The following HECW1 variants were observed in gnomAD, a reference collection of about 807,000 sequenced individuals.
The protein encoded by HECW1 is E3 ubiquitin-protein ligase HECW1.
Under a neutral mutation model 182.3 loss-of-function variants are expected in HECW1, and 61 were observed. The observed-to-expected ratio is 0.33, with a 90% CI of 0.27 to 0.41. HECW1 has a LOEUF of 0.41. Among genes scored for constraint, HECW1 ranks in the 10% least tolerant of loss-of-function variants. HECW1 has a pLI of 1.00. For synonymous variants in HECW1, 859 were observed against 832.6 expected (o/e 1.03, Z -0.55); for missense variants, 1,739 against 2,108.9 (o/e 0.82, Z 3.44).
chr7:43,146,733 A>G (rs1788756650), intron 2 of HECW1, among the ~76,000 whole-genome samples: 1 of 152,184 alleles, frequency 6.6e-6, no homozygotes, highest in African/African-American at 2.4e-5. Context: ...TTCTTTGGGG[A>G]TGCCCACTCC....
At chr7:43,205,803 C>G (rs532980397) in intron 2 of HECW1, among the ~76,000 whole-genome samples, 8 of 152,168 alleles carry the variant, frequency 5.3e-5, no homozygotes, top group Non-Finnish European at 7.3e-5. Context: ...GTCCCTTACT[C>G]TCATTTCAGG....
chr7:43,246,454 G>A (rs1039252481), intron 3 of HECW1, among the ~76,000 whole-genome samples: 46 of 152,350 alleles, frequency 3.0e-4, no homozygotes, highest in African/African-American at 1.1e-3. Flanking sequence ...TTCTCAACCA[G>A]GGGTACATCG....
intron 2 of HECW1, among the ~76,000 whole-genome samples, chr7:43,187,647 A>G (rs1487718908): frequency 1.3e-5 from 2 of 151,590 alleles, no homozygotes; most frequent in Non-Finnish European, 2.9e-5. Flanking sequence ...TTATATTATA[A>G]TTTTCTTTTC....
chr7:43,175,905 T>A (rs1028159485), intron 2 of HECW1, among the ~76,000 whole-genome samples: 2 of 152,150 alleles, frequency 1.3e-5, no homozygotes, highest in African/African-American at 4.8e-5. Context: ...TAATTATATC[T>A]CAAGTCTTAA....
intron 2 of HECW1, among the ~76,000 whole-genome samples, chr7:43,157,821 A>G (rs904921761): frequency 3.9e-5 from 6 of 152,222 alleles, no homozygotes; most frequent in Non-Finnish European, 8.8e-5. Flanking sequence ...TTGGCCTCCC[A>G]AAGTGCTGGG....
intron 3 of HECW1, among the ~76,000 whole-genome samples, chr7:43,308,092 A>ATATATAATATATTATATATGT (rs1292137234): frequency 2.9e-5 from 3 of 104,808 alleles, no homozygotes; most frequent in African/African-American, 1.3e-4. Context: ...ATTATATATT[A>ATATATAATATATTATATATGT]TATATGTTAT....
At chr7:43,510,337 T>A (rs898760405) in intron 24 of HECW1, 1 of 152,232 alleles carries the variant, frequency 6.6e-6, no homozygotes, top group Non-Finnish European at 1.5e-5. Flanking sequence ...TTTAAGATGG[T>A]GTCTTAGAGA....
intron 2 of HECW1, among the ~76,000 whole-genome samples, chr7:43,176,158 C>T (rs1165923336): frequency 6.6e-6 from 1 of 152,122 alleles, no homozygotes; most frequent in East Asian, 1.9e-4. Context: ...TAATGGCAAA[C>T]ATTTGTACCC....
At position 43,565,721 on chromosome 7, in the gene HECW1, A is replaced by G. The variant is rs932497690; in HGVS notation, c.*3795A>G. The G allele has an allele frequency of 5.4e-6, 1 of 185,654 alleles. No individual in the cohort carries two copies. Among genetic ancestry groups the G allele is most frequent in the Non-Finnish European group, 1.1e-5 (1 of 87,644 alleles). 11.5% of individuals were successfully genotyped at this position (185,654 alleles called of 1,614,324 possible). On this transcript the variant is annotated 3_prime_UTR_variant, in exon 30 of 30. Coordinates refer to ENST00000395891, the MANE Select transcript of HECW1 (RefSeq NM_015052.5). Reference sequence around the variant, plus strand: ...AAAGTGTTATTTTCCTGTTAGTGACATGTAGTCCCTTTGTTCTAGTAGGAA... The same window carrying G: ...AAAGTGTTATTTTCCTGTTAGTGACGTGTAGTCCCTTTGTTCTAGTAGGAA...
intron 3 of HECW1, among the ~76,000 whole-genome samples, chr7:43,295,622 G>C (rs1805949454): frequency 6.6e-6 from 1 of 152,158 alleles, no homozygotes; most frequent in Admixed American, 6.5e-5. Context: ...GAGGCCCAAG[G>C]GGGAGGGGAG....
At chr7:43,532,781 G>A (rs2081044809) in intron 24 of HECW1, among the ~76,000 whole-genome samples, 2 of 152,198 alleles carry the variant, frequency 1.3e-5, no homozygotes, top group Non-Finnish European at 1.5e-5. Flanking sequence ...AAGAAACCTG[G>A]AGCCCAAATT....
chr7:43,225,899 T>C (rs903183051), intron 2 of HECW1, among the ~76,000 whole-genome samples: 6 of 152,050 alleles, frequency 3.9e-5, no homozygotes, highest in Admixed American at 3.3e-4. Flanking sequence ...GCCTCCTGAG[T>C]AGCTGGGACC....
At chr7:43,385,638 A>G (rs1253318338) in intron 6 of HECW1, among the ~76,000 whole-genome samples, 1 of 152,064 alleles carries the variant, frequency 6.6e-6, no homozygotes, top group East Asian at 1.9e-4. Context: ...CCAATTACAC[A>G]GTTCATGGTT....
chr7:43,116,358 C>T (rs1011778228), intron 2 of HECW1, among the ~76,000 whole-genome samples: 1 of 152,190 alleles, frequency 6.6e-6, no homozygotes, highest in African/African-American at 2.4e-5. Flanking sequence ...CACACTTAAA[C>T]AGAAGACGTG....
rs78037614 is a variant in HECW1 at position 43,329,977 on chromosome 7, C to A, written c.460+9235C>A. On this transcript the variant is annotated intron_variant, in intron 5 of 29. Transcript: ENST00000395891. ...CCTGTAAATGTGAAGATGACTGATA[C>A]AGACTGTGAGAAGAGGAGAGTTGAG... Among the ~76,000 whole-genome samples, 1,331 of 152,204 alleles carry A rather than the reference C, an allele frequency of 8.7e-3. 16 individuals carry two copies. The highest frequency in any genetic ancestry group is 0.031 in the African/African-American group (1,267 of 41,520).
intron 3 of HECW1, among the ~76,000 whole-genome samples, chr7:43,260,712 AT>A (rs1801085502): frequency 6.6e-6 from 1 of 152,118 alleles, no homozygotes; most frequent in South Asian, 2.1e-4. Flanking sequence ...TGATTTAGTG[AT>A]TTAGTAGATA....
intron 11 of HECW1, among the ~76,000 whole-genome samples, chr7:43,447,956 T>C (rs143686499): frequency 0.017 from 2,639 of 150,934 alleles, 78 homozygotes; most frequent in African/African-American, 0.061. Flanking sequence ...TGAAACCCTG[T>C]CTCTACTAAA....
chr7:43,293,178 C>T lies in HECW1; in HGVS notation c.28-18585C>T, dbSNP rs567168844. 2.1e-5 allele frequency among the ~76,000 whole-genome samples: 3 copies of T among 143,304 alleles called. No individual in the cohort carries two copies. The South Asian group carries it at 6.6e-4, about 32-fold the overall frequency. The allele number at this position is 143,304 out of a possible 152,430, so 94.0% of individuals were successfully genotyped here. A position where few individuals can be genotyped will look rare whatever the true frequency, so the allele number is the denominator to read the frequency against. On this transcript the variant is annotated intron_variant, in intron 3 of 29. Coordinates refer to ENST00000395891, the MANE Select transcript of HECW1 (RefSeq NM_015052.5). The stretch of plus-strand genomic sequence containing the variant: ...GAGGTTGCAGTAAGCCGAGATTGTG[C>T]CACTGCGCTCCAGCCTGGGCGACAC...
intron 5 of HECW1, among the ~76,000 whole-genome samples, chr7:43,324,203 T>G (rs1810498178): frequency 6.6e-6 from 1 of 152,188 alleles, no homozygotes; most frequent in South Asian, 2.1e-4. Context: ...TCAATGAAAG[T>G]GCAATGGGAA....
Sources: allele counts gnomAD v4.1 joint callset (sites outside exome capture counted in the v4.1 genomes callset), GRCh38; gene constraint gnomAD v4.1.1; transcripts MANE v1.5; gene names NCBI Gene and HGNC (gene_info 2026-07-23, HGNC 2026-07-21).